The following SLC24A2 variants were observed in gnomAD, a reference collection of about 807,000 sequenced individuals.
SLC24A2 encodes the protein sodium/potassium/calcium exchanger 2.
In SLC24A2, 36 loss-of-function variants were observed where a neutral mutation model predicts 62.0. The observed-to-expected ratio is 0.58, with a 90% CI of 0.44 to 0.77. SLC24A2 has a LOEUF of 0.77. Ranked by LOEUF, SLC24A2 falls within the 30% of genes least tolerant of loss-of-function variation. The probability of loss-of-function intolerance (pLI) is 0.00; values close to 1 mark genes in which losing one functional copy is unlikely to be tolerated. For missense variants in SLC24A2, 846 were observed against 817.9 expected (o/e 1.03, Z -0.42); for synonymous variants, 358 against 294.0 (o/e 1.22, Z -2.23).
chr9:19,820,680 C>CTG, the SLC24A2 span, among the ~76,000 whole-genome samples: 129 of 149,920 alleles, frequency 8.6e-4, no homozygotes, highest in Middle Eastern at 6.8e-3. Flanking sequence ...ACTAAGGATT[C>CTG]TGTGTGTGTG....
the SLC24A2 span, among the ~76,000 whole-genome samples, chr9:19,941,590 T>TGTGTGTTTGAGA: frequency 1.3e-4 from 16 of 127,980 alleles, no homozygotes; most frequent in Admixed American, 1.2e-3. Context: ...TGTGTGTGTG[T>TGTGTGTTTGAGA]GAGAGAGAGA....
At chr9:19,572,644 T>C (rs1835872574) in intron 7 of SLC24A2, among the ~76,000 whole-genome samples, 2 of 152,252 alleles carry the variant, frequency 1.3e-5, no homozygotes, top group Non-Finnish European at 2.9e-5. Flanking sequence ...TGTGGAACTA[T>C]AAGTCAATTA....
chr9:20,296,709 T>C, the SLC24A2 span, among the ~76,000 whole-genome samples: 1 of 152,246 alleles, frequency 6.6e-6, no homozygotes, highest in Non-Finnish European at 1.5e-5. Context: ...AGATTGAGGT[T>C]GCCCATCATG....
chr9:19,656,786 A>G (rs1462362424), intron 2 of SLC24A2, among the ~76,000 whole-genome samples: 1 of 152,152 alleles, frequency 6.6e-6, no homozygotes, highest in Non-Finnish European at 1.5e-5. Context: ...GTGGTAGTTG[A>G]AATGCGTCAG....
chr9:19,638,437 A>G (rs946044727), intron 2 of SLC24A2, among the ~76,000 whole-genome samples: 2 of 152,160 alleles, frequency 1.3e-5, no homozygotes, highest in Non-Finnish European at 2.9e-5. Flanking sequence ...TGCTCTCTCT[A>G]TTGAATACAA....
At chr9:19,975,712 A>C in the SLC24A2 span, among the ~76,000 whole-genome samples, 2 of 151,076 alleles carry the variant, frequency 1.3e-5, no homozygotes, top group Non-Finnish European at 3.0e-5. Flanking sequence ...CCAACTTTTC[A>C]TTTGACTCAT....
the SLC24A2 span, among the ~76,000 whole-genome samples, chr9:20,125,595 T>C: frequency 6.6e-6 from 1 of 152,080 alleles, no homozygotes; most frequent in African/African-American, 2.4e-5. Context: ...TCTCAGTAGG[T>C]AATGTGTCCC....
At chr9:19,547,003 T>C (rs1834611842) in intron 8 of SLC24A2, among the ~76,000 whole-genome samples, 1 of 152,008 alleles carries the variant, frequency 6.6e-6, no homozygotes, top group African/African-American at 2.4e-5. Context: ...TAGCTGGAAA[T>C]GTGGAAAAAT....
At chr9:20,253,862 G>A in the SLC24A2 span, among the ~76,000 whole-genome samples, 2 of 152,098 alleles carry the variant, frequency 1.3e-5, no homozygotes, top group Non-Finnish European at 2.9e-5. Context: ...GTCATGACCC[G>A]TTCTGGGCAC....
At chr9:19,680,339 G>T (rs1170432319) in intron 2 of SLC24A2, among the ~76,000 whole-genome samples, 1 of 152,106 alleles carries the variant, frequency 6.6e-6, no homozygotes, top group Admixed American at 6.6e-5. Context: ...GATGCAGAAA[G>T]TATCAGGGCA....
At chr9:19,534,938 T>A (rs1156686096) in intron 8 of SLC24A2, among the ~76,000 whole-genome samples, 1 of 152,198 alleles carries the variant, frequency 6.6e-6, no homozygotes, top group African/African-American at 2.4e-5. Flanking sequence ...TGCCACACTG[T>A]CTTCCACAAT....
the SLC24A2 span, among the ~76,000 whole-genome samples, chr9:20,278,143 G>C: frequency 6.6e-6 from 1 of 152,078 alleles, no homozygotes; most frequent in Non-Finnish European, 1.5e-5. Flanking sequence ...TAAATGACGA[G>C]TTAATGGGTG....
intron 2 of SLC24A2, among the ~76,000 whole-genome samples, chr9:19,676,129 G>T (rs1039052549): frequency 1.3e-5 from 2 of 152,174 alleles, no homozygotes; most frequent in Non-Finnish European, 2.9e-5. Flanking sequence ...CTTCTCTTGT[G>T]ATCTGGACCT....
At chr9:20,296,898 T>C in the SLC24A2 span, among the ~76,000 whole-genome samples, 1 of 152,246 alleles carries the variant, frequency 6.6e-6, no homozygotes, top group East Asian at 1.9e-4. Flanking sequence ...ATGCACGTTA[T>C]TATTAACTAG....
chr9:19,596,026 C>CTAG (rs1836694610), intron 5 of SLC24A2, among the ~76,000 whole-genome samples: 1 of 152,080 alleles, frequency 6.6e-6, no homozygotes, highest in Non-Finnish European at 1.5e-5. Flanking sequence ...GTGTGAGATC[C>CTAG]TAGTAGTGGT....
intron 9 of SLC24A2, among the ~76,000 whole-genome samples, chr9:19,525,095 C>G (rs993553714): frequency 3.3e-5 from 5 of 152,150 alleles, no homozygotes; most frequent in Admixed American, 3.3e-4. Flanking sequence ...AAATGTCTCT[C>G]AATGAGTGTA....
intron 2 of SLC24A2, among the ~76,000 whole-genome samples, chr9:19,655,910 C>T (rs1473987091): frequency 6.6e-6 from 1 of 152,128 alleles, no homozygotes; most frequent in Admixed American, 6.5e-5. Flanking sequence ...CGTGGCTTGA[C>T]AATCTCATGT....
chr9:19,950,342 T>C, the SLC24A2 span, among the ~76,000 whole-genome samples: 1 of 152,218 alleles, frequency 6.6e-6, no homozygotes, highest in Non-Finnish European at 1.5e-5. Flanking sequence ...GTTTAAGCTA[T>C]TTGGTCTCTG....
chr9:20,214,510 G>A, the SLC24A2 span, among the ~76,000 whole-genome samples: 1 of 152,058 alleles, frequency 6.6e-6, no homozygotes, highest in Non-Finnish European at 1.5e-5. Flanking sequence ...AGCTACTCGG[G>A]AGGCTGAGGC....
Sources: gnomAD v4.1 joint callset for allele counts (sites outside exome capture counted in the v4.1 genomes callset) on GRCh38, gnomAD v4.1.1 for gene constraint, MANE v1.5 for transcripts, NCBI Gene and HGNC (gene_info 2026-07-23, HGNC 2026-07-21) for gene names.